FAM83B: variants seen among roughly 807,000 people sequenced by gnomAD.
The protein encoded by FAM83B is protein FAM83B.
Under a neutral mutation model 38.8 loss-of-function variants are expected in FAM83B, and 26 were observed. The ratio of observed to expected loss-of-function variants is 0.67; its 90% CI spans 0.49 to 0.93. The LOEUF (loss-of-function observed/expected upper bound fraction) is 0.93, where lower values mean the gene tolerates loss of function less well. Among genes scored for constraint, FAM83B ranks in the 40% least tolerant of loss-of-function variants. The probability of loss-of-function intolerance (pLI) is 0.00; values close to 1 mark genes in which losing one functional copy is unlikely to be tolerated. For missense variants in FAM83B, 1,237 were observed against 1,197.3 expected (o/e 1.03, Z -0.49); for synonymous variants, 419 against 423.1 (o/e 0.99, Z 0.12).
Position 54,941,521 on chromosome 6 carries a change from A to T in FAM83B, c.2550A>T (p.Thr850=), listed in dbSNP as rs144831589. ...TCCACAAGAGTAAGGAAGATGTAAC[A>T]GTTAGCCCATCTCAAGAGATAAATG... ...GSIHKSKEDV[T]VSPSQEINAP... Residue 850 remains threonine, a synonymous_variant, in exon 5 of 5, where the codon ACA becomes ACT. Coordinates refer to ENST00000306858, the MANE Select transcript of FAM83B (RefSeq NM_001010872.3). 31 of 1,613,982 alleles carry T rather than the reference A, an allele frequency of 1.9e-5. No homozygotes were observed. The African/African-American group carries it at 4.0e-4, about 21-fold the overall frequency.
chr6:54,929,025 G>A (rs1773368932), intron 4 of FAM83B, among the ~76,000 whole-genome samples: 1 of 152,084 alleles, frequency 6.6e-6, no homozygotes, highest in Non-Finnish European at 1.5e-5. Flanking sequence ...GATAGTAACT[G>A]TAGAATTCCT....
chr6:54,928,998 T>C (rs999949110), intron 4 of FAM83B, among the ~76,000 whole-genome samples: 1 of 152,124 alleles, frequency 6.6e-6, no homozygotes, highest in Non-Finnish European at 1.5e-5. Flanking sequence ...AGAGGCAGAA[T>C]TTAAGTTACT....
chr6:54,855,511 C>T (rs190489205), intron 1 of FAM83B, among the ~76,000 whole-genome samples: 1 of 152,316 alleles, frequency 6.6e-6, no homozygotes, highest in Non-Finnish European at 1.5e-5. Context: ...AGAAATCTGT[C>T]ACCTTTGGTT....
intron 1 of FAM83B, among the ~76,000 whole-genome samples, chr6:54,866,434 T>C (rs1489790851): frequency 6.6e-6 from 1 of 152,134 alleles, no homozygotes; most frequent in Non-Finnish European, 1.5e-5. Context: ...AATATTTCTA[T>C]AACTACAAAA....
At chr6:54,888,564 T>TG (rs1317508442) in intron 2 of FAM83B, among the ~76,000 whole-genome samples, 2 of 152,032 alleles carry the variant, frequency 1.3e-5, no homozygotes, top group African/African-American at 4.8e-5. Context: ...TTCAGTGACT[T>TG]TGAGTTATTT....
intron 2 of FAM83B, among the ~76,000 whole-genome samples, chr6:54,921,727 A>G (rs1030278750): frequency 1.3e-5 from 2 of 152,020 alleles, no homozygotes; most frequent in Admixed American, 1.3e-4. Flanking sequence ...AAAGCCTTAT[A>G]CTAATCAGGC....
At chr6:54,878,430 G>C (rs929044930) in intron 2 of FAM83B, among the ~76,000 whole-genome samples, 1 of 152,218 alleles carries the variant, frequency 6.6e-6, no homozygotes, top group African/African-American at 2.4e-5. Flanking sequence ...AGGGAGCTGA[G>C]AGTGGTGGTG....
chr6:54,860,420 T>C (rs550909109), intron 1 of FAM83B, among the ~76,000 whole-genome samples: 19 of 152,286 alleles, frequency 1.2e-4, no homozygotes, highest in African/African-American at 3.6e-4. Flanking sequence ...TCCTTTATTG[T>C]ATGCCATTAA....
intron 2 of FAM83B, among the ~76,000 whole-genome samples, chr6:54,914,344 T>A (rs1561923288): frequency 6.6e-6 from 1 of 152,130 alleles, no homozygotes; most frequent in Non-Finnish European, 1.5e-5. Context: ...TAATAAAAAA[T>A]AACCTATTTA....
At chr6:54,915,783 G>A (rs1163840478) in intron 2 of FAM83B, among the ~76,000 whole-genome samples, 3 of 84,688 alleles carry the variant, frequency 3.5e-5, no homozygotes, top group Non-Finnish European at 6.6e-5. Flanking sequence ...TCCGCAGTCC[G>A]GCCTGGGCGA....
In FAM83B at chr6:54,942,008, C is replaced by T; in HGVS notation, c.*1C>T. The T allele has an allele frequency of 1.9e-6, 3 of 1,585,672 alleles. No homozygotes were observed. Among genetic ancestry groups the T allele is most frequent in the Non-Finnish European group, 2.6e-6 (3 of 1,167,700 alleles). On this transcript the variant is annotated 3_prime_UTR_variant, in exon 5 of 5. Transcript: ENST00000306858. The stretch of plus-strand genomic sequence containing the variant: ...AAACTTTATACACAAAAATAAATAG[C>T]TATTAAAATGCAAAATGAATGAGGC...
chr6:54,862,685 T>C (rs1771613153), intron 1 of FAM83B, among the ~76,000 whole-genome samples: 1 of 152,086 alleles, frequency 6.6e-6, no homozygotes, highest in South Asian at 2.1e-4. Flanking sequence ...AAGACTAGCC[T>C]GGGCAACATG....
intron 1 of FAM83B, among the ~76,000 whole-genome samples, chr6:54,866,899 C>T (rs34784567): frequency 0.016 from 2,436 of 152,104 alleles, 33 homozygotes; most frequent in Middle Eastern, 0.082. Flanking sequence ...TATTTTATAT[C>T]CTTTGTATTT....
At chr6:54,911,310 A>T (rs1772905289) in intron 2 of FAM83B, among the ~76,000 whole-genome samples, 1 of 152,004 alleles carries the variant, frequency 6.6e-6, no homozygotes, top group Non-Finnish European at 1.5e-5. Flanking sequence ...AAGAAAAAAA[A>T]AAACAAAAGC....
intron 2 of FAM83B, among the ~76,000 whole-genome samples, chr6:54,925,959 C>T (rs538118801): frequency 2.6e-5 from 4 of 152,106 alleles, no homozygotes; most frequent in Admixed American, 6.5e-5. Flanking sequence ...TCTCAGTTCC[C>T]CAAGACTTTT....
At chr6:54,867,250 G>A (rs185053260) in intron 1 of FAM83B, among the ~76,000 whole-genome samples, 255 of 151,752 alleles carry the variant, frequency 1.7e-3, no homozygotes, top group Middle Eastern at 6.8e-3. Context: ...AATGTTCAGG[G>A]ATTGAACTGC....
intron 2 of FAM83B, among the ~76,000 whole-genome samples, chr6:54,886,180 T>C (rs1276236531): frequency 2.0e-5 from 3 of 152,172 alleles, no homozygotes; most frequent in Admixed American, 6.5e-5. Context: ...CTAGATTATA[T>C]TTGCTGGTAT....
chr6:54,870,161 T>G lies in FAM83B; in HGVS notation c.-60-26T>G, dbSNP rs1428470607. On this transcript the variant is annotated intron_variant, in intron 1 of 4. Transcript: ENST00000306858. ...TCTGTTACCGAATTTTAACTTGATC[T>G]TGATTTTCTTCTTTTCAAATACCAG... The G allele has an allele frequency of 6.8e-6, 7 of 1,036,486 alleles. No homozygotes were observed. The East Asian group carries it at 1.7e-4, about 25-fold the overall frequency. 64.2% of individuals were successfully genotyped at this position (1,036,486 alleles called of 1,614,324 possible).
chr6:54,921,209 T>C (rs1581922554), intron 2 of FAM83B, among the ~76,000 whole-genome samples: 1 of 151,912 alleles, frequency 6.6e-6, no homozygotes. Context: ...CATGTACATA[T>C]AGATTATTGT....
Sources: gnomAD v4.1 joint callset for allele counts (sites outside exome capture counted in the v4.1 genomes callset) on GRCh38, gnomAD v4.1.1 for gene constraint, MANE v1.5 for transcripts, NCBI Gene and HGNC (gene_info 2026-07-23, HGNC 2026-07-21) for gene names.